The following LDLRAP1 variants were observed in gnomAD, a reference collection of about 807,000 sequenced individuals.
The protein encoded by LDLRAP1 is low density lipoprotein receptor adapter protein 1.
Under a neutral mutation model 37.8 loss-of-function variants are expected in LDLRAP1, and 30 were observed. The ratio of observed to expected loss-of-function variants is 0.79; its 90% CI spans 0.59 to 1.08. The LOEUF (loss-of-function observed/expected upper bound fraction) is 1.08, where lower values mean the gene tolerates loss of function less well. Ranked by LOEUF, LDLRAP1 falls within the 50% of genes least tolerant of loss-of-function variation. The pLI is 0.00. For missense variants in LDLRAP1, 375 were observed against 401.6 expected (o/e 0.93, Z 0.57); for synonymous variants, 156 against 169.8 (o/e 0.92, Z 0.63).
Position 25,554,185 on chromosome 1 carries a change from A to T in LDLRAP1, c.231+121A>T. On this transcript the variant is annotated intron_variant, in intron 2 of 8. Transcript: ENST00000374338. The surrounding 1 kb of genome is among the most constrained non-coding windows in gnomAD (Gnocchi z 5.4). ...GTGTCTGAGCCTGGCCCTGCCCTTC[A>T]TTCTCCTTCCATCCAGCTTTTGGGC... 3 of 1,253,528 alleles carry T rather than the reference A, an allele frequency of 2.4e-6. No individual in the cohort carries two copies. The highest frequency in any genetic ancestry group is 2.6e-5 in the South Asian group (2 of 75,616). The allele number at this position is 1,253,528 out of a possible 1,614,324, so 77.7% of individuals were successfully genotyped here. A position where few individuals can be genotyped will look rare whatever the true frequency, so the allele number is the denominator to read the frequency against.
downstream of LDLRAP1, among the ~76,000 whole-genome samples, chr1:25,572,699 G>A (rs2044621370): frequency 6.6e-6 from 1 of 152,168 alleles, no homozygotes; most frequent in African/African-American, 2.4e-5. Context: ...CCATCAACCT[G>A]GAGTAAAGGA....
At chr1:25,585,113 A>G in the LDLRAP1 span, among the ~76,000 whole-genome samples, 7,304 of 152,184 alleles carry the variant, frequency 0.048, 573 homozygotes, top group African/African-American at 0.16. Context: ...GCAGAGCGGT[A>G]AGAGTTGAGG....
At chr1:25,552,150 G>A (rs1353847305) in intron 1 of LDLRAP1, among the ~76,000 whole-genome samples, 1 of 152,192 alleles carries the variant, frequency 6.6e-6, no homozygotes, top group Non-Finnish European at 1.5e-5. Context: ...GATAGGAGCT[G>A]AGAGGGGCAG....
At chr1:25,557,029 A>C in intron 3 of LDLRAP1, 124 bp from the exon 4 acceptor site, 1 of 766,248 alleles carries the variant, frequency 1.3e-6, no homozygotes, top group African/African-American at 1.7e-5. Context: ...GGATTCCCAG[A>C]GTCTGCCCTG....
the LDLRAP1 span, among the ~76,000 whole-genome samples, chr1:25,575,443 A>C: frequency 6.6e-6 from 1 of 151,210 alleles, no homozygotes; most frequent in Non-Finnish European, 1.5e-5. Context: ...AAAAAAAAAA[A>C]AACCAGCTGT....
intron 1 of LDLRAP1, among the ~76,000 whole-genome samples, chr1:25,550,206 A>T (rs1385900550): frequency 6.6e-6 from 1 of 152,172 alleles, no homozygotes; most frequent in East Asian, 1.9e-4. Flanking sequence ...TCTCTGCTAA[A>T]TTCTATAAAC....
the LDLRAP1 span, among the ~76,000 whole-genome samples, chr1:25,579,412 T>G: frequency 6.6e-6 from 1 of 152,286 alleles, no homozygotes; most frequent in East Asian, 1.9e-4. Context: ...ACTGATAGGA[T>G]TTAGGCAGCA....
At chr1:25,565,146 C>T (rs748249498) in intron 7 of LDLRAP1, 27 bp from the exon 8 acceptor site, 1 of 1,613,748 alleles carries the variant, frequency 6.2e-7, no homozygotes, top group Non-Finnish European at 8.5e-7. Context: ...AAACATAGTT[C>T]TTATCTCCTG....
the LDLRAP1 span, among the ~76,000 whole-genome samples, chr1:25,578,297 T>G: frequency 0.68 from 103,668 of 151,498 alleles, 36,801 homozygotes; most frequent in Non-Finnish European, 0.8. Context: ...CCTACGGCCC[T>G]CAAGCAGCCC....
At position 25,544,481 on chromosome 1, in the gene LDLRAP1, G is replaced by A. The variant is rs1397430164; in HGVS notation, c.88+695G>A. ...GGCGTCCCGACTATTTTTGAAACCT[G>A]TTTTCTCTCGCACCTTTCCCCTCGG... is the stretch of plus-strand genomic sequence containing the variant. On this transcript the variant is annotated intron_variant, in intron 1 of 8. Coordinates refer to ENST00000374338, the MANE Select transcript of LDLRAP1 (RefSeq NM_015627.3). This position sits in a 1 kb window ranked among gnomAD's most constrained non-coding sequence, Gnocchi z 4.8. 6.6e-6 allele frequency among the ~76,000 whole-genome samples: 1 copy of A among 152,180 alleles called. No individual in the cohort carries two copies. The highest frequency in any genetic ancestry group is 6.5e-5 in the Admixed American group (1 of 15,284).
chr1:25,586,086 A>G, the LDLRAP1 span, among the ~76,000 whole-genome samples: 1 of 152,072 alleles, frequency 6.6e-6, no homozygotes, highest in Non-Finnish European at 1.5e-5. The surrounding 1 kb of genome is among the most constrained non-coding windows in gnomAD (Gnocchi z 4.3). Context: ...TTTCCCCTAC[A>G]CCTGGCCATC....
chr1:25,586,500 G>A, the LDLRAP1 span, among the ~76,000 whole-genome samples: 1 of 152,100 alleles, frequency 6.6e-6, no homozygotes, highest in African/African-American at 2.4e-5. This position sits in a 1 kb window ranked among gnomAD's most constrained non-coding sequence, Gnocchi z 4.3. Context: ...GTGTGTGTGT[G>A]TGCATGCACA....
chr1:25,549,636 C>T (rs1406252054), intron 1 of LDLRAP1, among the ~76,000 whole-genome samples: 2 of 152,180 alleles, frequency 1.3e-5, no homozygotes, highest in South Asian at 2.1e-4. Flanking sequence ...TAACTAGGAC[C>T]GGAACAGGGC....
the LDLRAP1 span, chr1:25,590,186 C>T: frequency 5.3e-5 from 8 of 152,234 alleles, no homozygotes; most frequent in Non-Finnish European, 1.2e-4. Flanking sequence ...GACTAATACG[C>T]CAAGGCCCAG....
intron 1 of LDLRAP1, among the ~76,000 whole-genome samples, chr1:25,547,064 G>A (rs1026344809): frequency 1.3e-5 from 2 of 152,150 alleles, no homozygotes; most frequent in African/African-American, 4.8e-5. Context: ...AGATAGGATG[G>A]TGTCTTCATT....
the LDLRAP1 span, chr1:25,581,368 G>A: frequency 3.9e-5 from 6 of 152,244 alleles, no homozygotes; most frequent in Non-Finnish European, 8.8e-5. Context: ...CCCAAGCACT[G>A]ACACAGGAGA....
At position 25,543,641 on chromosome 1, in the gene LDLRAP1, A is replaced by G. The variant is rs1176284140; in HGVS notation, c.-58A>G. 1 of 1,156,796 alleles carries G rather than the reference A, an allele frequency of 8.6e-7. No individual in the cohort carries two copies. The highest frequency in any genetic ancestry group is 1.1e-6 in the Non-Finnish European group (1 of 927,282). 71.7% of individuals were successfully genotyped at this position (1,156,796 alleles called of 1,614,324 possible). A position where few individuals can be genotyped will look rare whatever the true frequency, so the allele number is the denominator to read the frequency against. ...GCCCGCGCGCCGCAGGGCCGGGCGG[A>G]AAGTTTTTCCTGACGGAGTTTTGGC... On this transcript the variant is annotated 5_prime_UTR_variant, in exon 1 of 9. Coordinates refer to ENST00000374338, the MANE Select transcript of LDLRAP1 (RefSeq NM_015627.3).
chr1:25,588,852 A>C, the LDLRAP1 span, among the ~76,000 whole-genome samples: 11 of 152,300 alleles, frequency 7.2e-5, no homozygotes, highest in African/African-American at 2.6e-4. Flanking sequence ...TTTCCGTCTT[A>C]AAGTGGGTCC....
At chr1:25,565,799 G>C (rs1021472748) in intron 8 of LDLRAP1, among the ~76,000 whole-genome samples, 1 of 152,134 alleles carries the variant, frequency 6.6e-6, no homozygotes, top group African/African-American at 2.4e-5. Context: ...TCAGGGTTCC[G>C]AGCCCTGGGT....
Sources: allele counts gnomAD v4.1 joint callset (sites outside exome capture counted in the v4.1 genomes callset), GRCh38; gene constraint gnomAD v4.1.1; non-coding constraint Gnocchi (gnomAD v3.1); transcripts MANE v1.5; gene names NCBI Gene and HGNC (gene_info 2026-07-23, HGNC 2026-07-21).